The following LRRC28 variants were observed in gnomAD, a reference collection of about 807,000 sequenced individuals.
LRRC28 encodes the protein leucine rich repeat containing 28.
LRRC28 carries 39 observed loss-of-function variants against 45.7 expected under a neutral mutation model. That is an observed-to-expected ratio of 0.85 (90% confidence interval 0.66 to 1.12). The LOEUF (loss-of-function observed/expected upper bound fraction) is 1.12. Ranked by LOEUF, LRRC28 falls within the 50% of genes most tolerant of loss-of-function variation. LRRC28 has a pLI of 0.00. For synonymous variants in LRRC28, 206 were observed against 178.8 expected, an observed-to-expected ratio of 1.15 and a Z score of -1.22; for missense variants, 435 against 438.5, an observed-to-expected ratio of 0.99 and a Z score of 0.07.
intron 2 of LRRC28, chr15:99,259,461 A>G: frequency 8.2e-7 from 1 of 1,221,640 alleles, no homozygotes; most frequent in Admixed American, 1.7e-5. Flanking sequence ...AAAGAATTTG[A>G]GCCTCTGCCC....
chr15:99,379,978 G>T, intron 9 of LRRC28, among the ~76,000 whole-genome samples: 1 of 152,174 alleles, frequency 6.6e-6, no homozygotes, highest in Non-Finnish European at 1.5e-5. Context: ...GTCAATTTTT[G>T]AATAAGTGTG....
At chr15:99,344,364 C>A (rs919523199) in intron 6 of LRRC28, among the ~76,000 whole-genome samples, 1 of 152,064 alleles carries the variant, frequency 6.6e-6, no homozygotes, top group Admixed American at 6.6e-5. Context: ...TCACCCACTG[C>A]ATTGTCTAAT....
In LRRC28 at chr15:99,352,441, A is replaced by T. The variant is rs946403552; in HGVS notation, c.665A>T (p.Tyr222Phe). The change falls in exon 7 of 10, where the codon TAT becomes TTT. Residue 222 changes from tyrosine to phenylalanine, a missense_variant. By Grantham distance (22) the Tyr-to-Phe change is conservative. Transcript: ENST00000301981. ...ATTCACCTGAAAGGCTTGCCATCTT[A>T]TCTGTACAATAAAGTCATCGGGTGC... ...NNIHLKGLPS[Y>F]LYNKVIGCSG... The T allele has an allele frequency of 4.3e-6, 7 of 1,614,078 alleles. No individual in the cohort carries two copies. Among genetic ancestry groups the T allele is most frequent in the Middle Eastern group, 1.6e-4 (1 of 6,062 alleles).
intron 3 of LRRC28, among the ~76,000 whole-genome samples, chr15:99,284,162 G>T (rs890012722): frequency 6.6e-6 from 1 of 152,116 alleles, no homozygotes; most frequent in Non-Finnish European, 1.5e-5. Flanking sequence ...GTTCTTAATC[G>T]GTTGTACATC....
intron 5 of LRRC28, among the ~76,000 whole-genome samples, chr15:99,296,556 A>G (rs2082268553): frequency 6.6e-6 from 1 of 152,212 alleles, no homozygotes. Context: ...AAGAATCTAA[A>G]AAATTAATCT....
rs113239903 is a variant in LRRC28 at position 99,297,523 on chromosome 15, C to A, written c.385+9572C>A. Among the ~76,000 whole-genome samples, 17 of 151,374 alleles carry A rather than the reference C, an allele frequency of 1.1e-4. 3 individuals are homozygous for A. Among genetic ancestry groups the A allele is most frequent in the African/African-American group, 3.9e-4 (16 of 41,244 alleles). On this transcript the variant is annotated intron_variant, in intron 5 of 9. Coordinates refer to ENST00000301981, the MANE Select transcript of LRRC28 (RefSeq NM_144598.5). ...AAGTGATCCTCGTGCTTTGGCCTGC[C>A]TAAATGCTGGGTTAAAGGTGTGAGT...
At chr15:99,254,884 T>C (rs903367104) in intron 1 of LRRC28, among the ~76,000 whole-genome samples, 3 of 152,228 alleles carry the variant, frequency 2.0e-5, no homozygotes, top group Non-Finnish European at 4.4e-5. Context: ...AGTACATTAA[T>C]TGCTATCTCC....
chr15:99,323,449 A>T (rs1336049055), intron 5 of LRRC28, among the ~76,000 whole-genome samples: 2 of 152,208 alleles, frequency 1.3e-5, no homozygotes. Context: ...GCGTTGTTTG[A>T]TAATTGCAGT....
chr15:99,344,148 C>T (rs1567680902), intron 6 of LRRC28, among the ~76,000 whole-genome samples: 1 of 152,202 alleles, frequency 6.6e-6, no homozygotes, highest in Non-Finnish European at 1.5e-5. Flanking sequence ...AGGTAAAAGA[C>T]TAAGATGTAT....
intron 2 of LRRC28, among the ~76,000 whole-genome samples, chr15:99,271,599 T>C (rs1329742887): frequency 6.6e-6 from 1 of 151,916 alleles, no homozygotes; most frequent in African/African-American, 2.4e-5. Flanking sequence ...TATTTATTTA[T>C]TTATATATTT....
intron 2 of LRRC28, among the ~76,000 whole-genome samples, chr15:99,269,791 C>T (rs576236674): frequency 3.9e-5 from 6 of 152,284 alleles, no homozygotes; most frequent in Admixed American, 2.0e-4. Flanking sequence ...CCACATGTGG[C>T]TAGTGTCTGC....
chr15:99,264,569 AGT>A (rs1290311872), intron 2 of LRRC28, among the ~76,000 whole-genome samples: 3 of 152,158 alleles, frequency 2.0e-5, no homozygotes, highest in Non-Finnish European at 2.9e-5. Flanking sequence ...CTTTTGTTTG[AGT>A]ATTGATGTTC....
intron 5 of LRRC28, among the ~76,000 whole-genome samples, chr15:99,290,978 C>G (rs1471327316): frequency 6.6e-6 from 1 of 151,964 alleles, no homozygotes; most frequent in African/African-American, 2.4e-5. Context: ...CAAACCCCCA[C>G]AAAAAACAAT....
intron 3 of LRRC28, among the ~76,000 whole-genome samples, chr15:99,278,838 C>A (rs930640948): frequency 2.0e-5 from 3 of 152,200 alleles, no homozygotes; most frequent in African/African-American, 7.2e-5. Flanking sequence ...ACTGCAGTCT[C>A]ATCTGAAGAT....
At chr15:99,292,682 C>T (rs2082156422) in intron 5 of LRRC28, among the ~76,000 whole-genome samples, 1 of 152,148 alleles carries the variant, frequency 6.6e-6, no homozygotes. Flanking sequence ...TCTTTCTATA[C>T]CTACGAATCC....
At chr15:99,291,580 G>C (rs1329217466) in intron 5 of LRRC28, among the ~76,000 whole-genome samples, 1 of 152,184 alleles carries the variant, frequency 6.6e-6, no homozygotes, top group Non-Finnish European at 1.5e-5. Context: ...ACCACAGTAG[G>C]CACCAGTTGA....
intron 6 of LRRC28, among the ~76,000 whole-genome samples, chr15:99,336,056 T>C (rs1054611083): frequency 6.6e-6 from 1 of 152,200 alleles, no homozygotes; most frequent in African/African-American, 2.4e-5. Context: ...AATGTTGTTG[T>C]TATTACAGAC....
chr15:99,358,679 G>A (rs188451812), intron 7 of LRRC28, among the ~76,000 whole-genome samples: 23 of 152,168 alleles, frequency 1.5e-4, no homozygotes, highest in Non-Finnish European at 2.8e-4. Flanking sequence ...AGAGGTAAAT[G>A]ATAGTGTTGT....
chr15:99,285,599 T>G, intron 3 of LRRC28: 6 of 692,502 alleles, frequency 8.7e-6, no homozygotes, highest in Non-Finnish European at 1.6e-5. Context: ...AGGAGAGACT[T>G]TAACGATGCT....
Sources: gnomAD v4.1 joint callset for allele counts (sites outside exome capture counted in the v4.1 genomes callset) on GRCh38, gnomAD v4.1.1 for gene constraint, MANE v1.5 for transcripts, NCBI Gene and HGNC (gene_info 2026-07-23, HGNC 2026-07-21) for gene names.